NTRK2: variants seen among roughly 807,000 people sequenced by gnomAD.
The protein encoded by NTRK2 is neurotrophic receptor tyrosine kinase 2.
In NTRK2, 13 loss-of-function variants were observed where a neutral mutation model predicts 94.5. The ratio of observed to expected loss-of-function variants is 0.14; its 90% CI spans 0.09 to 0.22. NTRK2 has a LOEUF of 0.22. Ranked by LOEUF, NTRK2 falls within the 10% of genes least tolerant of loss-of-function variation. The pLI is 1.00. For synonymous variants in NTRK2, 372 were observed against 407.4 expected (o/e 0.91, Z 1.05); for missense variants, 639 against 1,071.2 (o/e 0.60, Z 5.63).
At chr9:84,897,964 A>C (rs904813091) in intron 14 of NTRK2, among the ~76,000 whole-genome samples, 1 of 152,154 alleles carries the variant, frequency 6.6e-6, no homozygotes, top group African/African-American at 2.4e-5. Flanking sequence ...GGCCAGGCCC[A>C]CTGATTTGCA....
intron 17 of NTRK2, among the ~76,000 whole-genome samples, chr9:84,979,095 T>C (rs573347596): frequency 9.1e-4 from 139 of 152,336 alleles, no homozygotes; most frequent in African/African-American, 3.2e-3. Context: ...TAACACAACA[T>C]CCATTCTGTA....
At chr9:84,922,654 C>G (rs554081418) in intron 14 of NTRK2, among the ~76,000 whole-genome samples, 11 of 152,126 alleles carry the variant, frequency 7.2e-5, no homozygotes, top group Non-Finnish European at 1.6e-4. Flanking sequence ...ATGTCTCTCC[C>G]GAGGCCCATC....
chr9:84,951,198 G>A (rs889061216), intron 16 of NTRK2, among the ~76,000 whole-genome samples: 3 of 152,154 alleles, frequency 2.0e-5, no homozygotes, highest in Non-Finnish European at 2.9e-5. Context: ...TTGTGTGGGC[G>A]AGGAAATGCC....
intron 12 of NTRK2, chr9:84,811,781 T>A: frequency 9.4e-7 from 1 of 1,065,656 alleles, no homozygotes; most frequent in Admixed American, 5.3e-5. Flanking sequence ...TGTGGATTTC[T>A]GCATCCCCCC....
At chr9:84,967,947 A>G (rs1416943883) in intron 17 of NTRK2, among the ~76,000 whole-genome samples, 1 of 152,192 alleles carries the variant, frequency 6.6e-6, no homozygotes, top group East Asian at 1.9e-4. Flanking sequence ...TCTTAGGGCA[A>G]GTAGTGAATT....
At chr9:84,726,258 G>A (rs1481852788) in intron 8 of NTRK2, among the ~76,000 whole-genome samples, 6 of 152,166 alleles carry the variant, frequency 3.9e-5, no homozygotes, top group Admixed American at 1.3e-4. Flanking sequence ...AGGCCGAGGC[G>A]GGTGGATCAC....
intron 2 of NTRK2, among the ~76,000 whole-genome samples, chr9:84,698,629 A>C (rs933740678): frequency 3.3e-5 from 5 of 152,186 alleles, no homozygotes; most frequent in Non-Finnish European, 5.9e-5. Context: ...GTGCTTTTCA[A>C]AGTAGTTATA....
At chr9:84,819,395 GTTT>G (rs2072636539) in intron 12 of NTRK2, among the ~76,000 whole-genome samples, 1 of 152,178 alleles carries the variant, frequency 6.6e-6, no homozygotes, top group South Asian at 2.1e-4. Flanking sequence ...AGAGTTCTAG[GTTT>G]GTCACCTGAA....
At chr9:84,878,277 ATGAGTGTAAGG>A (rs1320043052) in intron 14 of NTRK2, among the ~76,000 whole-genome samples, 5 of 152,222 alleles carry the variant, frequency 3.3e-5, no homozygotes, top group Admixed American at 6.5e-5. Flanking sequence ...GAGGGCTGGG[ATGAGTGTAAGG>A]TGAGTGAGCT....
intron 12 of NTRK2, among the ~76,000 whole-genome samples, chr9:84,849,783 G>T (rs2131869845): frequency 6.6e-6 from 1 of 152,282 alleles, no homozygotes; most frequent in East Asian, 1.9e-4. Context: ...TCCTACGGTT[G>T]TCTATCTCTG....
intron 9 of NTRK2, among the ~76,000 whole-genome samples, chr9:84,728,668 A>G (rs888106031): frequency 6.6e-6 from 1 of 152,104 alleles, no homozygotes; most frequent in African/African-American, 2.4e-5. Flanking sequence ...ACCCGGGCTG[A>G]CTGAGCTGAG....
chr9:85,002,254 T>G (rs1332832518), intron 17 of NTRK2, among the ~76,000 whole-genome samples: 2 of 152,156 alleles, frequency 1.3e-5, no homozygotes, highest in African/African-American at 4.8e-5. Context: ...TGTTGACAAT[T>G]TCTGAAGACC....
intron 14 of NTRK2, among the ~76,000 whole-genome samples, chr9:84,931,585 G>A (rs896910571): frequency 3.3e-5 from 5 of 151,942 alleles, no homozygotes; most frequent in Non-Finnish European, 5.9e-5. Context: ...CAAGGTCAAC[G>A]TGGAAAAACT....
intron 12 of NTRK2, among the ~76,000 whole-genome samples, chr9:84,802,485 G>A (rs2070610232): frequency 6.6e-6 from 1 of 152,194 alleles, no homozygotes; most frequent in Non-Finnish European, 1.5e-5. Flanking sequence ...CACACGCCCC[G>A]CTGCTGTAAG....
intron 12 of NTRK2, chr9:84,812,204 G>A (rs201899347): frequency 1.2e-5 from 13 of 1,056,584 alleles, no homozygotes; most frequent in Non-Finnish European, 1.4e-5. Flanking sequence ...ATCCATTTAG[G>A]TACCACTTGA....
chr9:84,671,984 G>A (rs976845883), intron 2 of NTRK2, among the ~76,000 whole-genome samples: 3 of 152,054 alleles, frequency 2.0e-5, no homozygotes, highest in Non-Finnish European at 4.4e-5. Flanking sequence ...ATTCGTATAC[G>A]TGGAAGATTG....
At chr9:84,742,780 A>C (rs2063746656) in intron 10 of NTRK2, among the ~76,000 whole-genome samples, 1 of 135,344 alleles carries the variant, frequency 7.4e-6, no homozygotes, top group Non-Finnish European at 1.5e-5. Flanking sequence ...ACCAAAGTCC[A>C]TTATATTAGT....
intron 12 of NTRK2, chr9:84,810,459 T>G (rs759431001): frequency 6.4e-6 from 8 of 1,246,682 alleles, no homozygotes; most frequent in Non-Finnish European, 8.1e-6. Flanking sequence ...TTATGTTCAT[T>G]TGAAAGTTAT....
At chr9:84,812,757 CA>C in intron 12 of NTRK2, 1 of 1,038,838 alleles carries the variant, frequency 9.6e-7, no homozygotes, top group South Asian at 4.6e-5. Context: ...GTTCCAGACC[CA>C]AAAAGGAAAA....
Sources: allele counts gnomAD v4.1 joint callset (sites outside exome capture counted in the v4.1 genomes callset), GRCh38; gene constraint gnomAD v4.1.1; transcripts MANE v1.5; gene names NCBI Gene and HGNC (gene_info 2026-07-23, HGNC 2026-07-21).